The following SDK1 variants were observed in gnomAD, a reference collection of about 807,000 sequenced individuals.
SDK1 encodes protein sidekick-1.
Under a neutral mutation model 245.5 loss-of-function variants are expected in SDK1, and 157 were observed. The observed-to-expected ratio is 0.64, with a 90% CI of 0.56 to 0.73. The LOEUF (loss-of-function observed/expected upper bound fraction) is 0.73, where lower values mean the gene tolerates loss of function less well. SDK1 is among the 30% of genes least tolerant of loss of function. SDK1 has a pLI of 0.00. For missense variants in SDK1, 3,583 were observed against 3,002.3 expected, an observed-to-expected ratio of 1.19 and a Z score of -4.52; for synonymous variants, 1,647 against 1,278.5, an observed-to-expected ratio of 1.29 and a Z score of -6.15.
At chr7:3,303,964 T>G (rs1779349619) in intron 1 of SDK1, among the ~76,000 whole-genome samples, 2 of 152,210 alleles carry the variant, frequency 1.3e-5, no homozygotes, top group Non-Finnish European at 2.9e-5. Context: ...GAGCGCCTCC[T>G]AAGTACCATA....
intron 4 of SDK1, among the ~76,000 whole-genome samples, chr7:3,756,383 C>T (rs974079325): frequency 5.9e-5 from 9 of 151,656 alleles, no homozygotes; most frequent in Admixed American, 3.3e-4. Context: ...CATGGCATAG[C>T]ACATGTGACA....
chr7:3,887,885 G>T (rs74916016), intron 5 of SDK1, among the ~76,000 whole-genome samples: 1 of 152,262 alleles, frequency 6.6e-6, no homozygotes. Context: ...AGCAACTGAC[G>T]TAAGATTTGC....
chr7:3,400,891 G>C (rs962398783), intron 1 of SDK1, among the ~76,000 whole-genome samples: 5 of 152,140 alleles, frequency 3.3e-5, no homozygotes, highest in African/African-American at 9.7e-5. Context: ...CAGAGGAATT[G>C]CTTATGGAGC....
At chr7:3,605,141 A>ACACAC (rs1270723010) in intron 1 of SDK1, among the ~76,000 whole-genome samples, 2,841 of 69,692 alleles carry the variant, frequency 0.041, 97 homozygotes, top group African/African-American at 0.17. Context: ...AAAAAAAAAC[A>ACACAC]AGAAACACAC....
At chr7:3,583,455 C>G (rs1050087065) in intron 1 of SDK1, among the ~76,000 whole-genome samples, 2 of 152,102 alleles carry the variant, frequency 1.3e-5, no homozygotes, top group Non-Finnish European at 2.9e-5. Context: ...AGTAAACCAT[C>G]GCTGGAAATA....
At chr7:3,487,417 G>A (rs1176441023) in intron 1 of SDK1, among the ~76,000 whole-genome samples, 1 of 151,842 alleles carries the variant, frequency 6.6e-6, no homozygotes, top group African/African-American at 2.4e-5. Flanking sequence ...GTGAAAATTG[G>A]TTTGGGTCAG....
chr7:3,723,293 T>C (rs1034730411), intron 4 of SDK1, among the ~76,000 whole-genome samples: 3 of 152,228 alleles, frequency 2.0e-5, no homozygotes, highest in Non-Finnish European at 4.4e-5. Flanking sequence ...TTCGTATGAT[T>C]ACCATAGAAA....
intron 1 of SDK1, chr7:3,476,202 G>C (rs1185883163): frequency 6.6e-6 from 1 of 152,520 alleles, no homozygotes; most frequent in Non-Finnish European, 1.5e-5. Context: ...AACTGTTCCT[G>C]TGCTCTTACT....
chr7:3,312,926 A>G (rs1469621683), intron 1 of SDK1, among the ~76,000 whole-genome samples: 1 of 152,206 alleles, frequency 6.6e-6, no homozygotes, highest in Non-Finnish European at 1.5e-5. Context: ...AAATAAATTC[A>G]TACCTAGACA....
intron 5 of SDK1, among the ~76,000 whole-genome samples, chr7:3,858,866 C>CT (rs11464569): frequency 0.081 from 10,635 of 131,150 alleles, 1,456 homozygotes; most frequent in African/African-American, 0.28. Flanking sequence ...TTTCTTTTTT[C>CT]TTTTTTTTTT....
intron 44 of SDK1, among the ~76,000 whole-genome samples, chr7:4,247,312 G>A (rs553895662): frequency 3.9e-5 from 6 of 152,282 alleles, no homozygotes; most frequent in East Asian, 3.9e-4. Flanking sequence ...TTTGCTTTGC[G>A]TGTTCTGTTT....
chr7:3,356,550 C>G (rs1016560980), intron 1 of SDK1, among the ~76,000 whole-genome samples: 2 of 152,048 alleles, frequency 1.3e-5, no homozygotes, highest in Admixed American at 6.6e-5. Context: ...TTTTCTCTTT[C>G]CAATGTTTAT....
chr7:4,129,694 C>T (rs900063897), intron 26 of SDK1: 1 of 1,397,736 alleles, frequency 7.2e-7, no homozygotes, highest in African/African-American at 1.5e-5. Context: ...TGGGCACTAA[C>T]TCAAGCTCCC....
chr7:4,026,517 C>T lies in SDK1; in HGVS notation c.2602+9165C>T, dbSNP rs964115376. Among the ~76,000 whole-genome samples, 1 of 152,180 alleles carries T rather than the reference C, an allele frequency of 6.6e-6. No individual in the cohort carries two copies. Among genetic ancestry groups the T allele is most frequent in the African/African-American group, 2.4e-5 (1 of 41,456 alleles). On this transcript the variant is annotated intron_variant, in intron 17 of 44. Coordinates refer to ENST00000404826, the MANE Select transcript of SDK1 (RefSeq NM_152744.4). This position sits in a 1 kb window ranked among gnomAD's most constrained non-coding sequence, Gnocchi z 4.1. ...CTGCGGGCTCTCCCCACGTGCTGTG[C>T]CCCCACCCCAGCCCAAACACTGGCC...
chr7:3,917,058 TAACA>T, intron 5 of SDK1, among the ~76,000 whole-genome samples: 1 of 152,348 alleles, frequency 6.6e-6, no homozygotes, highest in Middle Eastern at 3.4e-3. Context: ...CATCATCCCT[TAACA>T]AACTGATGAC....
intron 1 of SDK1, among the ~76,000 whole-genome samples, chr7:3,416,981 T>C (rs1042565006): frequency 3.9e-5 from 6 of 152,126 alleles, no homozygotes; most frequent in Non-Finnish European, 4.4e-5. Flanking sequence ...AAGACCAGTC[T>C]GGCCAACATG....
intron 26 of SDK1, among the ~76,000 whole-genome samples, chr7:4,127,716 G>A (rs1422290238): frequency 3.3e-5 from 5 of 152,232 alleles, no homozygotes; most frequent in Non-Finnish European, 5.9e-5. Flanking sequence ...CCAAAACAGG[G>A]CACCAGAAGA....
intron 1 of SDK1, among the ~76,000 whole-genome samples, chr7:3,486,882 G>A (rs1781713165): frequency 6.6e-6 from 1 of 152,012 alleles, no homozygotes; most frequent in South Asian, 2.1e-4. Flanking sequence ...TCTCTTAACT[G>A]TCTTATTCTC....
At position 4,238,067 on chromosome 7, in the gene SDK1, T is replaced by A. The variant is rs117523277; in HGVS notation, c.6130+283T>A. Among the ~76,000 whole-genome samples the A allele has an allele frequency of 7.8e-3, 1,181 of 151,298 alleles. 11 individuals carry two copies. Among genetic ancestry groups the A allele is most frequent in the South Asian group, 0.019 (92 of 4,738 alleles). ...TCCAGCCTCAGAGATCCCCACTCTG[T>A]ACCTTTGTTCAAATGCAATTGCTTT... is the stretch of plus-strand genomic sequence containing the variant. On this transcript the variant is annotated intron_variant, in intron 42 of 44. Coordinates refer to ENST00000404826, the MANE Select transcript of SDK1 (RefSeq NM_152744.4).
Sources: gnomAD v4.1 joint callset for allele counts (sites outside exome capture counted in the v4.1 genomes callset) on GRCh38, gnomAD v4.1.1 for gene constraint, Gnocchi (gnomAD v3.1) non-coding constraint, MANE v1.5 for transcripts, NCBI Gene and HGNC (gene_info 2026-07-23, HGNC 2026-07-21) for gene names.